The following PCDH15 variants were observed in gnomAD, a reference collection of about 807,000 sequenced individuals.
The protein encoded by PCDH15 is protocadherin-15.
PCDH15 carries 129 observed loss-of-function variants against 178.5 expected under a neutral mutation model. The observed-to-expected ratio is 0.72, with a 90% CI of 0.63 to 0.84. The LOEUF is 0.84. Ranked by LOEUF, PCDH15 falls within the 40% of genes least tolerant of loss-of-function variation. PCDH15 has a pLI of 0.00. For synonymous variants in PCDH15, 800 were observed against 732.0 expected (o/e 1.09, Z -1.50); for missense variants, 2,230 against 2,099.9 (o/e 1.06, Z -1.21).
At chr10:54,021,891 C>G (rs2092931289) in intron 19 of PCDH15, among the ~76,000 whole-genome samples, 1 of 151,862 alleles carries the variant, frequency 6.6e-6, no homozygotes, top group Non-Finnish European at 1.5e-5. Flanking sequence ...ACTTGGCATA[C>G]TATACATACT....
chr10:54,599,945 C>T (rs779950922), intron 2 of PCDH15: 106 of 933,908 alleles, frequency 1.1e-4, no homozygotes, highest in Non-Finnish European at 1.4e-4. Context: ...GAGTTGGTGG[C>T]AGACACCAAG....
chr10:53,872,620 G>T (rs2079949406), intron 26 of PCDH15, among the ~76,000 whole-genome samples: 1 of 152,172 alleles, frequency 6.6e-6, no homozygotes, highest in Non-Finnish European at 1.5e-5. Flanking sequence ...AGGGCGCAGA[G>T]AAATTAAATA....
Position 55,594,132 on chromosome 10 carries a change from AAAT to A in PCDH15, c.-156+33490_-156+33492del, listed in dbSNP as rs1479750169. Among the ~76,000 whole-genome samples the A allele has an allele frequency of 2.0e-5, 3 of 152,080 alleles. No homozygotes were observed. The East Asian group carries it at 5.8e-4, about 29-fold the overall frequency. ...GACATAATTTGCACAATATAAGTAC[AAAT>A]AATAATGAGCAAATTTATGTGAAAA... is the stretch of plus-strand genomic sequence containing the variant. On this transcript the variant is annotated intron_variant, in intron 2 of 5. Transcript: ENST00000613346.
chr10:53,926,139 T>C (rs1375537453), intron 25 of PCDH15, among the ~76,000 whole-genome samples: 2 of 152,184 alleles, frequency 1.3e-5, no homozygotes, highest in African/African-American at 4.8e-5. Flanking sequence ...TATATTTTCC[T>C]CCTCTCACTG....
chr10:53,916,857 A>G (rs1386801508), intron 25 of PCDH15, among the ~76,000 whole-genome samples: 2 of 152,220 alleles, frequency 1.3e-5, no homozygotes, highest in East Asian at 3.9e-4. Context: ...TAGCTTTACT[A>G]TTTCATATAT....
chr10:55,147,077 T>C (rs1053970828), intron 2 of PCDH15, among the ~76,000 whole-genome samples: 3 of 151,686 alleles, frequency 2.0e-5, no homozygotes, highest in African/African-American at 7.2e-5. Flanking sequence ...CAGTTGTTAT[T>C]AGAAAATAAA....
At chr10:54,492,734 A>G (rs2137167573) in intron 3 of PCDH15, among the ~76,000 whole-genome samples, 1 of 152,268 alleles carries the variant, frequency 6.6e-6, no homozygotes, top group South Asian at 2.1e-4. Context: ...AACTTTTATT[A>G]CAGTGTATTG....
At chr10:55,361,290 T>C (rs1431695951) in intron 2 of PCDH15, among the ~76,000 whole-genome samples, 2 of 152,012 alleles carry the variant, frequency 1.3e-5, no homozygotes, top group Non-Finnish European at 2.9e-5. Flanking sequence ...GTTTTTTATT[T>C]TCTAAAATTT....
At chr10:54,191,318 G>A (rs1236700470) in intron 11 of PCDH15, among the ~76,000 whole-genome samples, 2 of 152,188 alleles carry the variant, frequency 1.3e-5, no homozygotes, top group African/African-American at 2.4e-5. Flanking sequence ...ATTGGATAAT[G>A]AATACCGTGG....
At chr10:55,074,632 T>G (rs11510905) in intron 2 of PCDH15, among the ~76,000 whole-genome samples, 1 of 152,120 alleles carries the variant, frequency 6.6e-6, no homozygotes, top group Non-Finnish European at 1.5e-5. Flanking sequence ...TTCAGATGGA[T>G]AGATTGCAAA....
chr10:55,493,152 C>A (rs762250957), intron 2 of PCDH15, among the ~76,000 whole-genome samples: 9 of 151,378 alleles, frequency 5.9e-5, no homozygotes, highest in Non-Finnish European at 1.2e-4. Flanking sequence ...AGACTGAAAA[C>A]TTGCCAAATT....
chr10:54,686,019 A>T (rs1196754460), intron 1 of PCDH15, among the ~76,000 whole-genome samples: 1 of 149,036 alleles, frequency 6.7e-6, no homozygotes, highest in Non-Finnish European at 1.5e-5. Context: ...GGAAATCCAA[A>T]TCCAAGGGAG....
intron 2 of PCDH15, among the ~76,000 whole-genome samples, chr10:54,989,898 T>C (rs901026745): frequency 6.6e-6 from 1 of 152,116 alleles, no homozygotes; most frequent in Non-Finnish European, 1.5e-5. Context: ...GGTTGAATCA[T>C]AGGGGCAGGT....
intron 3 of PCDH15, among the ~76,000 whole-genome samples, chr10:54,381,984 C>G (rs1949291182): frequency 6.6e-6 from 1 of 152,020 alleles, no homozygotes; most frequent in African/African-American, 2.4e-5. Context: ...GGCATTTCTA[C>G]TATAATACTA....
chr10:54,952,354 C>T (rs1838366459), intron 2 of PCDH15, among the ~76,000 whole-genome samples: 1 of 151,806 alleles, frequency 6.6e-6, no homozygotes, highest in African/African-American at 2.4e-5. Context: ...TGTTCTGTTT[C>T]ATTGATCTGC....
intron 8 of PCDH15, among the ~76,000 whole-genome samples, chr10:54,266,585 C>G (rs983652321): frequency 6.6e-6 from 1 of 151,538 alleles, no homozygotes; most frequent in Non-Finnish European, 1.5e-5. Context: ...AAGAGAAGAT[C>G]CAAATAAGCA....
chr10:55,413,489 GA>G (rs1838397416), intron 2 of PCDH15, among the ~76,000 whole-genome samples: 2 of 151,528 alleles, frequency 1.3e-5, no homozygotes, highest in African/African-American at 4.8e-5. Flanking sequence ...CATTTAAAGG[GA>G]ATAGACGAAG....
At chr10:54,771,302 C>T (rs1382962638) in intron 1 of PCDH15, among the ~76,000 whole-genome samples, 1 of 151,774 alleles carries the variant, frequency 6.6e-6, no homozygotes, top group African/African-American at 2.4e-5. Context: ...CTAGCCTTGT[C>T]AAATGTGTTG....
rs1309798071 is a variant in PCDH15, at chr10:55,597,621, T to A, written c.-156+30004A>T. ...AGCATCCCTCTCTGAAAAGTGTGTA[T>A]CCCAGATATTATAGTCCTAAATCAA... On this transcript the variant is annotated intron_variant, in intron 2 of 5. Coordinates refer to the PCDH15 transcript ENST00000613346. Among the ~76,000 whole-genome samples the A allele has an allele frequency of 3.3e-5, 5 of 152,166 alleles. No individual in the cohort carries two copies. In the East Asian group the frequency reaches 9.6e-4, roughly 29 times the overall value.
Sources: allele counts gnomAD v4.1 joint callset (sites outside exome capture counted in the v4.1 genomes callset), GRCh38; gene constraint gnomAD v4.1.1; transcripts MANE v1.5; gene names NCBI Gene and HGNC (gene_info 2026-07-23, HGNC 2026-07-21).